NLRP2: variants seen among roughly 807,000 people sequenced by gnomAD.
NLRP2 encodes NACHT, LRR and PYD domains-containing protein 2.
NLRP2 carries 107 observed loss-of-function variants against 97.2 expected under a neutral mutation model. The ratio of observed to expected loss-of-function variants is 1.10; its 90% confidence interval spans 0.94 to 1.29. The LOEUF (loss-of-function observed/expected upper bound fraction) is 1.29. Ranked by LOEUF, NLRP2 falls within the 50% of genes most tolerant of loss-of-function variation. NLRP2 has a pLI of 0.00. For missense variants in NLRP2, 1,495 were observed against 1,330.3 expected, an observed-to-expected ratio of 1.12 and a Z score of -1.93; for synonymous variants, 663 against 551.5, an observed-to-expected ratio of 1.20 and a Z score of -2.83.
At position 54,994,324 on chromosome 19, in the gene NLRP2, CA is replaced by C; in HGVS notation, c.2766del (p.Glu923LysfsTer12). On this transcript the variant is annotated frameshift_variant, in exon 11 of 13. Transcript: ENST00000448584. LOFTEE classifies it high-confidence loss of function. ...DGCCDLTKLL[Q>X]EKSSLLCLDL... Reference sequence around the variant, plus strand: ...CTGCTGCGATCTCACAAAGCTTCTCCAAGAAAAATCAAGCCTGTTGTGTTTG... The same window carrying C: ...CTGCTGCGATCTCACAAAGCTTCTCCAGAAAAATCAAGCCTGTTGTGTTTG... 6.2e-7 allele frequency: 1 copy of C among 1,614,126 alleles called. No individual in the cohort carries two copies. Among genetic ancestry groups the C allele is most frequent in the Non-Finnish European group, 8.5e-7 (1 of 1,180,022 alleles).
intron 2 of NLRP2, chr19:54,973,968 C>T (rs186916786): frequency 8.8e-5 from 93 of 1,060,364 alleles, no homozygotes; most frequent in African/African-American, 7.6e-4. Flanking sequence ...CAGACTAAGC[C>T]GATTTTCCGG....
chr19:54,972,557 C>G (rs1368990041), intron 2 of NLRP2, among the ~76,000 whole-genome samples: 1 of 152,044 alleles, frequency 6.6e-6, no homozygotes, highest in African/African-American at 2.4e-5. Context: ...TCACTGCAGC[C>G]TTGACCTCCC....
Position 54,986,328 on chromosome 19 carries a change from A to G in NLRP2, c.2366+13A>G, listed in dbSNP as rs2072084182. The G allele has an allele frequency of 9.9e-6, 16 of 1,609,540 alleles. No homozygotes were observed. The highest frequency in any genetic ancestry group is 1.1e-5 in the South Asian group (1 of 90,970). ...TGCGATATCTCGGGTATATCTCTTA[A>G]TCATTAAAATCCTTCATCATACAAA... On this transcript the variant is annotated intron_variant, in intron 8 of 12. Coordinates refer to ENST00000448584, the MANE Select transcript of NLRP2 (RefSeq NM_017852.5).
chr19:54,970,770 C>CT (rs34406686), intron 2 of NLRP2, among the ~76,000 whole-genome samples: 40,088 of 108,194 alleles, frequency 0.37, 7,951 homozygotes, highest in East Asian at 0.61. Context: ...CTACCTACTT[C>CT]TTTTTTTTTT....
chr19:54,966,496 T>C (rs1336578871), intron 1 of NLRP2, 29 bp downstream of exon 1: 3 of 152,112 alleles, frequency 2.0e-5, no homozygotes, highest in African/African-American at 7.2e-5. Context: ...GCTCTGCAAC[T>C]TCATTTCTTT....
chr19:54,979,153 T>A (rs1159080458), intron 4 of NLRP2, among the ~76,000 whole-genome samples: 2 of 151,766 alleles, frequency 1.3e-5, no homozygotes, highest in Non-Finnish European at 2.9e-5. Context: ...CCTGGCTAAC[T>A]TTTGTGTTTT....
At chr19:54,996,952 G>A (rs1051528255) in intron 11 of NLRP2, among the ~76,000 whole-genome samples, 3 of 152,076 alleles carry the variant, frequency 2.0e-5, no homozygotes, top group Non-Finnish European at 2.9e-5. Flanking sequence ...CTGTCACCCA[G>A]GCTGGAGTGC....
chr19:54,982,037 C>T (rs780244133), intron 5 of NLRP2, 125 bp from the exon 6 acceptor site: 16 of 1,253,104 alleles, frequency 1.3e-5, no homozygotes, highest in Non-Finnish European at 1.8e-5. Flanking sequence ...CTCGACCTCC[C>T]AAAGGGCTGG....
rs1227260012 is a variant in NLRP2, at chr19:54,995,139, C to T, written c.2879+700C>T. Among the ~76,000 whole-genome samples, 4 of 61,880 alleles carry T rather than the reference C, an allele frequency of 6.5e-5. No individual in the cohort carries two copies. The East Asian group carries it at 2.5e-3, about 38-fold the overall frequency. The allele number at this position is 61,880 out of a possible 152,430, so 40.6% of individuals were successfully genotyped here. ...GACCAGCCTGGCCAACTTGAAACTC[C>T]ATCTCTACTAAAATATAAAAATTAG... On this transcript the variant is annotated intron_variant, in intron 11 of 12. Transcript: ENST00000448584.
At chr19:54,974,223 G>A (rs1446607167) in intron 2 of NLRP2, 1 of 583,994 alleles carries the variant, frequency 1.7e-6, no homozygotes, top group African/African-American at 1.9e-5. Context: ...GCATGGTGGT[G>A]TATGCCTATA....
chr19:54,995,847 G>T (rs2072779849), intron 11 of NLRP2, among the ~76,000 whole-genome samples: 1 of 151,762 alleles, frequency 6.6e-6, no homozygotes. Context: ...TTTAAAAACA[G>T]CCTGGCCAAC....
chr19:54,979,641 G>A lies in NLRP2; in HGVS notation c.397+1818G>A, dbSNP rs182368601. On this transcript the variant is annotated intron_variant, in intron 4 of 12. Coordinates refer to ENST00000448584, the MANE Select transcript of NLRP2 (RefSeq NM_017852.5). Reference sequence around the variant, plus strand: ...GCTGGGATTACAGGCATGAGCCACCGTACCTAGCCCACATTGACTTTTGAT... The same window carrying A: ...GCTGGGATTACAGGCATGAGCCACCATACCTAGCCCACATTGACTTTTGAT... Among the ~76,000 whole-genome samples, 682 of 152,170 alleles carry A rather than the reference G, an allele frequency of 4.5e-3. 3 individuals are homozygous for A. Among genetic ancestry groups the A allele is most frequent in the African/African-American group, 0.016 (654 of 41,508 alleles).
rs186759039 is a variant in NLRP2 at position 54,971,757 on chromosome 19, C to T, written c.280+1462C>T. ...GGCCTAACATATCTGTGGATTTAAC[C>T]AATCCTAGATCAAAAATAATGGGGG... On this transcript the variant is annotated intron_variant, in intron 2 of 12. Coordinates refer to ENST00000448584, the MANE Select transcript of NLRP2 (RefSeq NM_017852.5). Among the ~76,000 whole-genome samples, 38 of 152,180 alleles carry T rather than the reference C, an allele frequency of 2.5e-4. No homozygotes were observed. In the East Asian group the frequency reaches 7.1e-3, roughly 29 times the overall value.
intron 8 of NLRP2, chr19:54,986,520 C>A (rs537457312): frequency 1.7e-6 from 1 of 605,116 alleles, no homozygotes; most frequent in South Asian, 2.0e-5. Context: ...TACGTGAGGA[C>A]CCTGAATCCA....
At chr19:54,967,118 C>T (rs932555763) in intron 1 of NLRP2, among the ~76,000 whole-genome samples, 1 of 151,966 alleles carries the variant, frequency 6.6e-6, no homozygotes, top group African/African-American at 2.4e-5. Context: ...CTTCCTGCCT[C>T]AGACTCCCAA....
intron 10 of NLRP2, among the ~76,000 whole-genome samples, chr19:54,992,873 T>C (rs2072581425): frequency 6.6e-6 from 1 of 152,062 alleles, no homozygotes; most frequent in South Asian, 2.1e-4. Context: ...AATTCAACTT[T>C]TTGATCCATG....
Position 54,985,125 on chromosome 19 carries a change from T to C in NLRP2, c.2109T>C (p.Gly703=). ...SIFGSNKDLM[G]LAINDSFLSA... is the part of the protein sequence containing the mutation. ...TTGGATCAAATAAGGATCTGATGGG[T>C]CTAGCAATCAATGATAGCTTTCTCA... The change falls in exon 7 of 13, where the codon GGT becomes GGC. Residue 703 remains glycine, a synonymous_variant. Transcript: ENST00000448584. The C allele has an allele frequency of 3.1e-6, 5 of 1,614,034 alleles. No individual in the cohort carries two copies. The highest frequency in any genetic ancestry group is 4.2e-6 in the Non-Finnish European group (5 of 1,179,934).
In NLRP2 at chr19:54,983,551, T is replaced by G; in HGVS notation, c.1853T>G (p.Val618Gly). Reference protein sequence around the residue: ...CLYESQEEELVKEVMAQFKEI... With the variant: ...CLYESQEEELGKEVMAQFKEI... ...TACGAGTCTCAGGAGGAGGAGCTGGTGAAGGAGGTGATGGCTCAGTTCAAA... is the reference window on the plus strand; with the variant it reads ...TACGAGTCTCAGGAGGAGGAGCTGGGGAAGGAGGTGATGGCTCAGTTCAAA... Residue 618 changes from valine (V) to glycine (G), a missense_variant, in exon 6 of 13, where the codon GTG becomes GGG. Physicochemically the swap from Val to Gly is moderately radical, Grantham distance 109 (BLOSUM62 -3). Coordinates refer to ENST00000448584, the MANE Select transcript of NLRP2 (RefSeq NM_017852.5). 6.2e-7 allele frequency: 1 copy of G among 1,614,114 alleles called. No homozygotes were observed. Among genetic ancestry groups the G allele is most frequent in the Non-Finnish European group, 8.5e-7 (1 of 1,180,014 alleles).
intron 12 of NLRP2, among the ~76,000 whole-genome samples, chr19:54,998,604 CTTTTTTCTTTTTTT>C (rs2072978196): frequency 6.1e-5 from 1 of 16,430 alleles, no homozygotes; most frequent in Non-Finnish European, 1.3e-4. Context: ...TGGGGTGCAT[CTTTTTTCTTTTTTT>C]TTTTTTTTTT....
Sources: gnomAD v4.1 joint callset for allele counts (sites outside exome capture counted in the v4.1 genomes callset) on GRCh38, gnomAD v4.1.1 for gene constraint, MANE v1.5 for transcripts, NCBI Gene and HGNC (gene_info 2026-07-23, HGNC 2026-07-21) for gene names.